Variants in CFAP299 observed in about 807,000 individuals in gnomAD.
CFAP299 encodes cilia and flagella associated protein 299.
CFAP299 carries 21 observed loss-of-function variants against 27.0 expected under a neutral mutation model. That is an observed-to-expected ratio of 0.78 (90% CI 0.55 to 1.12). CFAP299 has a LOEUF of 1.12. CFAP299 is among the 50% of genes most tolerant of loss of function. The probability of loss-of-function intolerance (pLI) is 0.00; values close to 1 mark genes in which losing one functional copy is unlikely to be tolerated. For synonymous variants in CFAP299, 104 were observed against 98.1 expected (o/e 1.06, Z -0.36); for missense variants, 310 against 276.6 (o/e 1.12, Z -0.86).
At chr4:80,532,667 G>T (rs1036016654) in intron 2 of CFAP299, among the ~76,000 whole-genome samples, 3 of 152,194 alleles carry the variant, frequency 2.0e-5, no homozygotes, top group Non-Finnish European at 2.9e-5. Context: ...AAATCCTAGG[G>T]TCTGTGCCTG....
At chr4:80,901,459 G>A (rs1458367824) in intron 4 of CFAP299, among the ~76,000 whole-genome samples, 1 of 151,992 alleles carries the variant, frequency 6.6e-6, no homozygotes, top group Non-Finnish European at 1.5e-5. Flanking sequence ...CTGAGCATAA[G>A]TTATTTTCTC....
chr4:80,600,769 T>TG (rs1213016243), intron 3 of CFAP299, among the ~76,000 whole-genome samples: 4 of 152,226 alleles, frequency 2.6e-5, no homozygotes, highest in Non-Finnish European at 1.5e-5. Context: ...AGCAAGTTTC[T>TG]GGGACATGGA....
chr4:80,351,518 TAAG>T (rs1723013949), intron 1 of CFAP299, among the ~76,000 whole-genome samples: 1 of 151,604 alleles, frequency 6.6e-6, no homozygotes. Context: ...AAAATGGAAA[TAAG>T]AAACAAAAAA....
At chr4:80,953,060 A>G (rs1288481070) in intron 5 of CFAP299, among the ~76,000 whole-genome samples, 2 of 152,204 alleles carry the variant, frequency 1.3e-5, no homozygotes, top group Non-Finnish European at 2.9e-5. Flanking sequence ...AGGAGGAGCT[A>G]TATATAATCC....
At chr4:80,798,783 A>G (rs1728020645) in intron 3 of CFAP299, among the ~76,000 whole-genome samples, 1 of 152,006 alleles carries the variant, frequency 6.6e-6, no homozygotes, top group South Asian at 2.1e-4. Flanking sequence ...TTCTTCACAC[A>G]TAATCAAACG....
rs973139103 is a variant in CFAP299, at chr4:80,943,474, C to T, written c.477-1336C>T. 3.9e-5 allele frequency among the ~76,000 whole-genome samples: 6 copies of T among 152,038 alleles called. No individual in the cohort carries two copies. In the East Asian group the frequency reaches 1.2e-3, roughly 29 times the overall value. On this transcript the variant is annotated intron_variant, in intron 4 of 5. Transcript: ENST00000358105. ...AAGGGAGTAATAGAGGGCAAAACGA[C>T]CTAGAAACAGGATCAGAAGAATATC...
intron 3 of CFAP299, among the ~76,000 whole-genome samples, chr4:80,751,098 G>T (rs1178132280): frequency 6.6e-6 from 1 of 152,144 alleles, no homozygotes; most frequent in Non-Finnish European, 1.5e-5. Context: ...AACACACTCT[G>T]ACTTTTTGAG....
chr4:80,800,039 TA>T (rs1728321523), intron 3 of CFAP299, among the ~76,000 whole-genome samples: 1 of 64,650 alleles, frequency 1.5e-5, no homozygotes, highest in African/African-American at 6.5e-5. Flanking sequence ...TAATATATAA[TA>T]ATATATAATA....
At chr4:80,895,637 A>G (rs1195548811) in intron 4 of CFAP299, among the ~76,000 whole-genome samples, 1 of 152,012 alleles carries the variant, frequency 6.6e-6, no homozygotes, top group Non-Finnish European at 1.5e-5. Context: ...CTACTCCCTC[A>G]ATAAAAATGT....
chr4:80,333,859 T>C (rs192025605), upstream of CFAP299, among the ~76,000 whole-genome samples: 3 of 152,300 alleles, frequency 2.0e-5, no homozygotes, highest in Admixed American at 6.5e-5. Flanking sequence ...AGCCTTGCAA[T>C]GAAAAGAGAA....
chr4:80,566,499 T>G (rs780494565), intron 2 of CFAP299, among the ~76,000 whole-genome samples: 12 of 152,052 alleles, frequency 7.9e-5, no homozygotes, highest in Non-Finnish European at 1.6e-4. Flanking sequence ...TTACCACAGT[T>G]TCCAGGTATT....
At chr4:80,857,719 C>T (rs553852478) in intron 3 of CFAP299, among the ~76,000 whole-genome samples, 18 of 152,086 alleles carry the variant, frequency 1.2e-4, no homozygotes, top group East Asian at 3.9e-4. Flanking sequence ...TATTGATTTG[C>T]GTATATTGAA....
rs1175517860 is a variant in CFAP299, at chr4:80,847,266, G to A, written c.334-22727G>A. On this transcript the variant is annotated intron_variant, in intron 3 of 5. Coordinates refer to ENST00000358105, the MANE Select transcript of CFAP299 (RefSeq NM_152770.3). ...TGAGACCAGGCTCTGGCCCCAGTGGGATATGGCCAGTATAAAACTCTAGCA... is the reference window on the plus strand; with the variant it reads ...TGAGACCAGGCTCTGGCCCCAGTGGAATATGGCCAGTATAAAACTCTAGCA... 2.6e-5 allele frequency among the ~76,000 whole-genome samples: 4 copies of A among 152,150 alleles called. No homozygotes were observed. In the South Asian group the frequency reaches 8.3e-4, roughly 32 times the overall value.
chr4:80,672,111 G>A (rs1248094820), intron 3 of CFAP299, among the ~76,000 whole-genome samples: 2 of 152,140 alleles, frequency 1.3e-5, no homozygotes, highest in Non-Finnish European at 2.9e-5. Context: ...TCCAGTTTTT[G>A]CCCATTCAGT....
At chr4:80,805,495 TG>T (rs1412630996) in intron 3 of CFAP299, among the ~76,000 whole-genome samples, 1 of 152,146 alleles carries the variant, frequency 6.6e-6, no homozygotes, top group Non-Finnish European at 1.5e-5. Flanking sequence ...GCAATTAACT[TG>T]AACACCTACT....
At chr4:80,921,609 G>A (rs1001463749) in intron 4 of CFAP299, among the ~76,000 whole-genome samples, 3 of 152,034 alleles carry the variant, frequency 2.0e-5, no homozygotes, top group Non-Finnish European at 4.4e-5. Context: ...TGTAAAAGCA[G>A]TAGGACAAGA....
chr4:80,493,986 A>G (rs1309315961), intron 2 of CFAP299, among the ~76,000 whole-genome samples: 1 of 151,698 alleles, frequency 6.6e-6, no homozygotes, highest in African/African-American at 2.4e-5. Flanking sequence ...CTTGTTAGCC[A>G]GGATGGTCTC....
At chr4:80,404,356 C>T (rs547367145) in intron 2 of CFAP299, among the ~76,000 whole-genome samples, 8 of 152,246 alleles carry the variant, frequency 5.3e-5, no homozygotes, top group African/African-American at 1.7e-4. Flanking sequence ...ATACTCACCT[C>T]GCTGTGCACC....
At chr4:80,523,730 C>T (rs565460184) in intron 2 of CFAP299, among the ~76,000 whole-genome samples, 20 of 152,250 alleles carry the variant, frequency 1.3e-4, no homozygotes, top group Admixed American at 1.0e-3. Flanking sequence ...ACTATGACTA[C>T]GTCACTGGCT....
Sources: gnomAD v4.1 joint callset for allele counts (sites outside exome capture counted in the v4.1 genomes callset) on GRCh38, gnomAD v4.1.1 for gene constraint, MANE v1.5 for transcripts, NCBI Gene and HGNC (gene_info 2026-07-23, HGNC 2026-07-21) for gene names.